The following TBC1D9 variants were observed in gnomAD, a reference collection of about 807,000 sequenced individuals.
The protein encoded by TBC1D9 is TBC1 domain family member 9A.
Under a neutral mutation model 132.0 loss-of-function variants are expected in TBC1D9, and 63 were observed. The observed-to-expected ratio is 0.48, with a 90% confidence interval of 0.39 to 0.59. The LOEUF (loss-of-function observed/expected upper bound fraction) is 0.59, where lower values mean the gene tolerates loss of function less well. Ranked by LOEUF, TBC1D9 falls within the 20% of genes least tolerant of loss-of-function variation. The pLI is 0.00. For missense variants in TBC1D9, 1,261 were observed against 1,592.7 expected, an observed-to-expected ratio of 0.79 and a Z score of 3.54; for synonymous variants, 610 against 609.9, an observed-to-expected ratio of 1.00 and a Z score of 0.00.
intron 1 of TBC1D9, among the ~76,000 whole-genome samples, chr4:140,730,288 C>A (rs1391270186): frequency 6.6e-6 from 1 of 152,200 alleles, no homozygotes; most frequent in Non-Finnish European, 1.5e-5. Flanking sequence ...ACGGGCCACT[C>A]TGAGACCAAA....
At chr4:140,754,614 C>CAAAAAAAAAAA (rs34471976) in intron 1 of TBC1D9, among the ~76,000 whole-genome samples, 2 of 23,262 alleles carry the variant, frequency 8.6e-5, no homozygotes, top group African/African-American at 1.9e-4. Flanking sequence ...GACTCTGTCT[C>CAAAAAAAAAAA]AAAAAAAAAA....
At chr4:140,656,434 C>T (rs1378270750) in intron 13 of TBC1D9, among the ~76,000 whole-genome samples, 1 of 152,150 alleles carries the variant, frequency 6.6e-6, no homozygotes, top group Non-Finnish European at 1.5e-5. Flanking sequence ...ACATAGGTCT[C>T]CTGTGCAAAT....
intron 1 of TBC1D9, among the ~76,000 whole-genome samples, chr4:140,707,842 G>A (rs768640611): frequency 6.6e-6 from 1 of 151,812 alleles, no homozygotes; most frequent in Non-Finnish European, 1.5e-5. Flanking sequence ...TGTTTTCTCC[G>A]GCACGCTCCC....
chr4:140,678,620 C>T (rs992105179), intron 5 of TBC1D9, among the ~76,000 whole-genome samples: 2 of 152,140 alleles, frequency 1.3e-5, no homozygotes, highest in Non-Finnish European at 2.9e-5. Flanking sequence ...CTCTTCAGAG[C>T]CCAGCTCAAA....
chr4:140,672,754 G>A (rs960026946), intron 6 of TBC1D9, among the ~76,000 whole-genome samples: 2 of 152,176 alleles, frequency 1.3e-5, no homozygotes, highest in Non-Finnish European at 2.9e-5. Context: ...AATTACATTA[G>A]AGTCTGCTAC....
rs1189471626 is a variant in TBC1D9 at position 140,695,236 on chromosome 4, T to C, written c.241+6268A>G. Among the ~76,000 whole-genome samples, 5 of 152,232 alleles carry C rather than the reference T, an allele frequency of 3.3e-5. No homozygotes were observed. In the East Asian group the frequency reaches 9.6e-4, roughly 29 times the overall value. ...GAACTTGGTCTGAGCACCACATAAC[T>C]AGTTATAACCAGGAATGTGAACTTG... On this transcript the variant is annotated intron_variant, in intron 2 of 20. Transcript: ENST00000442267.
chr4:140,687,343 CATATATATATATATATATATATAT>C (rs200090051), intron 2 of TBC1D9, among the ~76,000 whole-genome samples: 4,706 of 37,838 alleles, frequency 0.12, 296 homozygotes, highest in Middle Eastern at 0.27. Flanking sequence ...GTGTGTGTGT[CATATATATATATATATATATATAT>C]ATATATATAT....
At chr4:140,735,240 C>A (rs1401955704) in intron 1 of TBC1D9, among the ~76,000 whole-genome samples, 1 of 152,136 alleles carries the variant, frequency 6.6e-6, no homozygotes, top group African/African-American at 2.4e-5. Context: ...TTTGAAAATA[C>A]TATTGCCCAC....
chr4:140,647,321 T>A (rs1384573606), intron 13 of TBC1D9, among the ~76,000 whole-genome samples: 1 of 152,230 alleles, frequency 6.6e-6, no homozygotes, highest in African/African-American at 2.4e-5. Flanking sequence ...GAGCTGCAAG[T>A]GGTCTGAGGC....
At chr4:140,752,526 C>A (rs1432355242) in intron 1 of TBC1D9, among the ~76,000 whole-genome samples, 1 of 151,696 alleles carries the variant, frequency 6.6e-6, no homozygotes, top group Non-Finnish European at 1.5e-5. Context: ...GGCACATTAG[C>A]AGTGTTCTAT....
At chr4:140,628,421 G>A (rs368775324) in intron 16 of TBC1D9, 56 bp from the exon 17 acceptor site, 9 of 1,470,686 alleles carry the variant, frequency 6.1e-6, no homozygotes, top group South Asian at 5.7e-5. Context: ...ATAAACTCCA[G>A]GCCTAGTGTT....
At chr4:140,710,465 G>C (rs755395262) in intron 1 of TBC1D9, among the ~76,000 whole-genome samples, 66 of 152,206 alleles carry the variant, frequency 4.3e-4, no homozygotes, top group Middle Eastern at 3.2e-3. Context: ...CAACAAGAGA[G>C]AGAGAAGCCG....
intron 18 of TBC1D9, among the ~76,000 whole-genome samples, chr4:140,626,699 A>T (rs1406435516): frequency 1.3e-5 from 2 of 152,248 alleles, no homozygotes; most frequent in East Asian, 3.8e-4. Flanking sequence ...TTGGAGACAT[A>T]TATGAGTTGA....
At chr4:140,670,979 C>T (rs1455379741) in intron 6 of TBC1D9, 53 bp from the exon 7 acceptor site, 4 of 1,499,620 alleles carry the variant, frequency 2.7e-6, no homozygotes, top group Non-Finnish European at 3.7e-6. Flanking sequence ...TACCCAATAG[C>T]AGCCTATATG....
At chr4:140,653,114 C>T (rs1187198353) in intron 13 of TBC1D9, among the ~76,000 whole-genome samples, 1 of 152,238 alleles carries the variant, frequency 6.6e-6, no homozygotes, top group Non-Finnish European at 1.5e-5. Flanking sequence ...TGGAGTCTCA[C>T]ACCACTTACA....
At chr4:140,724,186 GCA>G (rs1319326137) in intron 1 of TBC1D9, among the ~76,000 whole-genome samples, 1 of 152,120 alleles carries the variant, frequency 6.6e-6, no homozygotes, top group Admixed American at 6.5e-5. Flanking sequence ...CAAGGCCATG[GCA>G]CAGTGTCCCG....
At chr4:140,700,926 T>C (rs1290515891) in intron 2 of TBC1D9, 2 of 152,616 alleles carry the variant, frequency 1.3e-5, no homozygotes, top group Non-Finnish European at 2.9e-5. Context: ...AGATAGCTCA[T>C]GACCTTCGGA....
intron 1 of TBC1D9, among the ~76,000 whole-genome samples, chr4:140,710,829 G>A (rs1220316907): frequency 2.6e-5 from 4 of 152,092 alleles, no homozygotes; most frequent in Non-Finnish European, 5.9e-5. Context: ...AATCTGTGGG[G>A]CCCAGTGCAA....
chr4:140,672,245 T>C (rs1737549554), intron 6 of TBC1D9, among the ~76,000 whole-genome samples: 5 of 149,026 alleles, frequency 3.4e-5, no homozygotes. Context: ...ATATTAAACA[T>C]ACATTATAGA....
Sources: allele counts gnomAD v4.1 joint callset (sites outside exome capture counted in the v4.1 genomes callset), GRCh38; gene constraint gnomAD v4.1.1; transcripts MANE v1.5; gene names NCBI Gene and HGNC (gene_info 2026-07-23, HGNC 2026-07-21).